The following ZBTB7C variants were observed in gnomAD, a reference collection of about 807,000 sequenced individuals.
ZBTB7C encodes zinc finger and BTB domain containing 7C.
A neutral mutation model predicts 25.7 loss-of-function variants in ZBTB7C; 8 were observed. The observed-to-expected ratio is 0.31, with a 90% confidence interval of 0.18 to 0.56. ZBTB7C has a LOEUF of 0.56. ZBTB7C is among the 20% of genes least tolerant of loss of function. The pLI, the probability that ZBTB7C is intolerant of heterozygous loss-of-function variation, is 0.91. For synonymous variants in ZBTB7C, 394 were observed against 369.0 expected (o/e 1.07, Z -0.78); for missense variants, 824 against 855.2 (o/e 0.96, Z 0.46).
At chr18:48,238,037 T>C (rs2043425926) in intron 2 of ZBTB7C, among the ~76,000 whole-genome samples, 1 of 152,078 alleles carries the variant, frequency 6.6e-6, no homozygotes, top group South Asian at 2.1e-4. Flanking sequence ...GGTTCAAAAC[T>C]AGGAAAGTCC....
rs79800244 is a variant in ZBTB7C, at chr18:48,076,318, T to C, written c.-16-35195A>G. On this transcript the variant is annotated intron_variant, in intron 3 of 4. Coordinates refer to ENST00000590800, the MANE Select transcript of ZBTB7C (RefSeq NM_001318841.2). Reference sequence around the variant, plus strand: ...AACGAGTGAAGGAAGGAATTGACACTCTTGTAGTTGCAACAGGTTCTTTAT... The same window carrying C: ...AACGAGTGAAGGAAGGAATTGACACCCTTGTAGTTGCAACAGGTTCTTTAT... Among the ~76,000 whole-genome samples, 1,223 of 152,232 alleles carry C rather than the reference T, an allele frequency of 8.0e-3. 14 individuals carry two copies. Among genetic ancestry groups the C allele is most frequent in the African/African-American group, 0.027 (1,128 of 41,536 alleles).
intron 3 of ZBTB7C, among the ~76,000 whole-genome samples, chr18:48,112,699 T>C (rs781668986): frequency 6.6e-6 from 1 of 152,064 alleles, no homozygotes; most frequent in Non-Finnish European, 1.5e-5. Context: ...TTTTCCATCA[T>C]AGATGGTTGA....
At chr18:48,103,070 AT>A (rs2038893471) in intron 3 of ZBTB7C, among the ~76,000 whole-genome samples, 1 of 141,594 alleles carries the variant, frequency 7.1e-6, no homozygotes, top group Non-Finnish European at 1.5e-5. Flanking sequence ...GTATATATAT[AT>A]TTTATATTAT....
intron 2 of ZBTB7C, among the ~76,000 whole-genome samples, chr18:48,239,658 AG>A (rs967538898): frequency 6.6e-6 from 1 of 152,180 alleles, no homozygotes; most frequent in Non-Finnish European, 1.5e-5. Flanking sequence ...CCCCATCCCT[AG>A]GGGAAGGGGA....
At chr18:48,038,550 T>C (rs1386264890) in intron 4 of ZBTB7C, among the ~76,000 whole-genome samples, 1 of 149,860 alleles carries the variant, frequency 6.7e-6, no homozygotes, top group South Asian at 2.1e-4. Flanking sequence ...GACTCATCTT[T>C]TTTTTTTTTT....
chr18:48,058,816 G>A (rs1263365030), intron 3 of ZBTB7C, among the ~76,000 whole-genome samples: 1 of 152,198 alleles, frequency 6.6e-6, no homozygotes, highest in Non-Finnish European at 1.5e-5. Flanking sequence ...TCTTACTGTG[G>A]GGGAAACCAT....
chr18:48,193,222 C>T (rs1568293080), intron 2 of ZBTB7C, among the ~76,000 whole-genome samples: 1 of 152,142 alleles, frequency 6.6e-6, no homozygotes, highest in Non-Finnish European at 1.5e-5. Context: ...ACCCGGGCAC[C>T]TCCGGCTATT....
chr18:48,373,973 AGC>A (rs1568409014), intron 1 of ZBTB7C, among the ~76,000 whole-genome samples: 3,487 of 149,500 alleles, frequency 0.023, 143 homozygotes, highest in African/African-American at 0.081. Flanking sequence ...AAAAAAAAAA[AGC>A]ATGTGGCACC....
chr18:48,366,103 C>G (rs747351996), intron 1 of ZBTB7C, among the ~76,000 whole-genome samples: 12 of 152,232 alleles, frequency 7.9e-5, no homozygotes, highest in Non-Finnish European at 1.3e-4. Context: ...ATAGATGGCT[C>G]TGAGATTACC....
intron 1 of ZBTB7C, among the ~76,000 whole-genome samples, chr18:48,362,107 G>A: frequency 6.6e-6 from 1 of 152,308 alleles, no homozygotes; most frequent in African/African-American, 2.4e-5. Flanking sequence ...CCAGCCCCAA[G>A]TGTGGCCATC....
At chr18:48,162,093 C>G (rs1196964841) in intron 3 of ZBTB7C, among the ~76,000 whole-genome samples, 2 of 139,804 alleles carry the variant, frequency 1.4e-5, no homozygotes, top group Non-Finnish European at 3.3e-5. Flanking sequence ...GCCAGACCCC[C>G]CGCCGCCGCA....
chr18:48,169,344 G>A (rs1170380644), intron 3 of ZBTB7C, among the ~76,000 whole-genome samples: 1 of 152,074 alleles, frequency 6.6e-6, no homozygotes, highest in Non-Finnish European at 1.5e-5. Flanking sequence ...GTTACTTAAC[G>A]GTTTCAGCTC....
chr18:48,237,297 A>G (rs1005802640), intron 2 of ZBTB7C, among the ~76,000 whole-genome samples: 3 of 152,124 alleles, frequency 2.0e-5, no homozygotes, highest in Non-Finnish European at 4.4e-5. Context: ...ATTACAAGTA[A>G]GGGCCCCATC....
chr18:48,053,564 G>GGT (rs1187847022), intron 3 of ZBTB7C, among the ~76,000 whole-genome samples: 1 of 152,056 alleles, frequency 6.6e-6, no homozygotes, highest in African/African-American at 2.4e-5. Context: ...AACCCCATGA[G>GGT]GTGGCTACTG....
At chr18:48,079,880 C>G (rs1397658138) in intron 3 of ZBTB7C, among the ~76,000 whole-genome samples, 2 of 152,202 alleles carry the variant, frequency 1.3e-5, no homozygotes, top group African/African-American at 4.8e-5. Flanking sequence ...GCACCTCAGC[C>G]AGCAAGAAGA....
intron 1 of ZBTB7C, among the ~76,000 whole-genome samples, chr18:48,403,434 C>G (rs538173441): frequency 1.2e-4 from 18 of 152,376 alleles, no homozygotes; most frequent in African/African-American, 4.3e-4. Flanking sequence ...TTCATTTCTG[C>G]CTCTAGGCTG....
intron 2 of ZBTB7C, among the ~76,000 whole-genome samples, chr18:48,254,004 C>T (rs1469122813): frequency 6.6e-6 from 1 of 152,194 alleles, no homozygotes; most frequent in Non-Finnish European, 1.5e-5. Context: ...TGAAGACCCC[C>T]ATAGAAGAAG....
At chr18:48,280,337 C>G (rs2044799652) in intron 2 of ZBTB7C, among the ~76,000 whole-genome samples, 1 of 152,086 alleles carries the variant, frequency 6.6e-6, no homozygotes. Context: ...ATGTCAGGGC[C>G]ACTGCATCCA....
chr18:48,349,412 T>A (rs2046813127), intron 1 of ZBTB7C, among the ~76,000 whole-genome samples: 1 of 152,176 alleles, frequency 6.6e-6, no homozygotes. Context: ...CTATAGAGGC[T>A]GCATATGTGT....
Sources: gnomAD v4.1 joint callset for allele counts (sites outside exome capture counted in the v4.1 genomes callset) on GRCh38, gnomAD v4.1.1 for gene constraint, MANE v1.5 for transcripts, NCBI Gene and HGNC (gene_info 2026-07-23, HGNC 2026-07-21) for gene names.